ADCY10: variants seen among roughly 807,000 people sequenced by gnomAD.
ADCY10 encodes the protein adenylate cyclase 10.
A neutral mutation model predicts 183.3 loss-of-function variants in ADCY10; 156 were observed. That is an observed-to-expected ratio of 0.85 (90% CI 0.75 to 0.97). The LOEUF is 0.97. Ranked by LOEUF, ADCY10 falls within the 50% of genes least tolerant of loss-of-function variation. ADCY10 has a pLI of 0.00. For missense variants in ADCY10, 1,745 were observed against 1,934.3 expected (o/e 0.90, Z 1.84); for synonymous variants, 645 against 670.0 (o/e 0.96, Z 0.58).
rs1280739947 is a variant in ADCY10 at position 167,827,163 on chromosome 1, A to G, written c.3750+2104T>C. Reference sequence around the variant, plus strand: ...CTCCAGGAGGAAGAAACCCAGACTTAATGTACTTTTTTTTTTTTTCCTGAG... The same window carrying G: ...CTCCAGGAGGAAGAAACCCAGACTTGATGTACTTTTTTTTTTTTTCCTGAG... On this transcript the variant is annotated intron_variant, in intron 26 of 32. Coordinates refer to ENST00000367851, the MANE Select transcript of ADCY10 (RefSeq NM_018417.6). 2.6e-5 allele frequency among the ~76,000 whole-genome samples: 4 copies of G among 151,388 alleles called. No individual in the cohort carries two copies. In the East Asian group the frequency reaches 7.7e-4, roughly 29 times the overall value.
intron 14 of ADCY10, among the ~76,000 whole-genome samples, 196 bp downstream of exon 14, chr1:167,870,061 C>A (rs960073451): frequency 6.6e-6 from 1 of 152,180 alleles, no homozygotes; most frequent in Non-Finnish European, 1.5e-5. Context: ...TCAGGATATC[C>A]ATGGGTCAGC....
In ADCY10 at chr1:167,818,391, G is replaced by A. The variant is rs749823945; in HGVS notation, c.4287-124C>T. On this transcript the variant is annotated intron_variant, in intron 30 of 32. Transcript: ENST00000367851. ...GGTCTCTGGAAGTGTGTAGTCTCCT[G>A]CCTACCCCTGCTTCACACTCCCTAA... 5 of 848,686 alleles carry A rather than the reference G, an allele frequency of 5.9e-6. No individual in the cohort carries two copies. In the East Asian group the frequency reaches 1.2e-4, roughly 20 times the overall value. The allele number at this position is 848,686 out of a possible 1,614,324, so 52.6% of individuals were successfully genotyped here.
intron 1 of ADCY10, among the ~76,000 whole-genome samples, chr1:167,908,995 A>G (rs900821232): frequency 6.6e-6 from 1 of 152,238 alleles, no homozygotes; most frequent in Non-Finnish European, 1.5e-5. Context: ...AAATCCGTGT[A>G]ATACCCATTC....
chr1:167,909,399 G>A (rs1670012947), intron 1 of ADCY10, among the ~76,000 whole-genome samples: 3 of 152,150 alleles, frequency 2.0e-5, no homozygotes, highest in African/African-American at 7.2e-5. Flanking sequence ...ATATACACAG[G>A]AGTGGAATTG....
At chr1:167,866,519 A>T (rs1355310497) in intron 14 of ADCY10, among the ~76,000 whole-genome samples, 1 of 120,900 alleles carries the variant, frequency 8.3e-6, no homozygotes, top group Non-Finnish European at 1.6e-5. Context: ...GAAAGTGCAC[A>T]CTCTATGTGC....
rs1662100747 is a variant in ADCY10, at chr1:167,809,951, C to G, written c.4672-112G>C. 10 of 1,143,026 alleles carry G rather than the reference C, an allele frequency of 8.7e-6. No individual in the cohort carries two copies. The South Asian group carries it at 1.3e-4, about 15-fold the overall frequency. The allele number at this position is 1,143,026 out of a possible 1,614,324, so 70.8% of individuals were successfully genotyped here. On this transcript the variant is annotated intron_variant, in intron 32 of 32. Coordinates refer to ENST00000367851, the MANE Select transcript of ADCY10 (RefSeq NM_018417.6). ...CATCTTTGGTAAAAACCATGTGAAC[C>G]CATAGACAAAAACGAATCTTGCTGT...
chr1:167,866,624 C>T (rs1666715374), intron 14 of ADCY10, among the ~76,000 whole-genome samples: 1 of 151,194 alleles, frequency 6.6e-6, no homozygotes, highest in Non-Finnish European at 1.5e-5. Flanking sequence ...TAATTGAAAT[C>T]CCAAACTTAC....
chr1:167,890,721 G>A (rs1177786666), intron 8 of ADCY10, among the ~76,000 whole-genome samples: 2 of 152,142 alleles, frequency 1.3e-5, no homozygotes, highest in Non-Finnish European at 2.9e-5. Flanking sequence ...TATAGTTAGG[G>A]ATAAGAATAG....
At chr1:167,879,418 C>T (rs1031692044) in intron 11 of ADCY10, among the ~76,000 whole-genome samples, 9 of 152,092 alleles carry the variant, frequency 5.9e-5, no homozygotes, top group African/African-American at 2.2e-4. Context: ...GAACAAGGTA[C>T]TCTTTTTGAA....
In ADCY10 at chr1:167,810,879, C is replaced by T. The variant is rs1558137342; in HGVS notation, c.4517G>A (p.Gly1506Asp). 6.2e-7 allele frequency: 1 copy of T among 1,614,092 alleles called. No individual in the cohort carries two copies. The highest frequency in any genetic ancestry group is 1.3e-5 in the African/African-American group (1 of 75,018). Reference sequence around the variant, plus strand: ...GTAGAGCCTTGGGCAAAAGACAGGGCCAGTGGTATTTTGAGCCACCAGATT... The same window carrying T: ...GTAGAGCCTTGGGCAAAAGACAGGGTCAGTGGTATTTTGAGCCACCAGATT... The part of the protein sequence containing the change: ...LENLVAQNTT[G>D]PVFCPRLYHL... Residue 1506 changes from glycine to aspartate, a missense_variant, in exon 32 of 33, where the codon GGC becomes GAC. Physicochemically the swap from Gly to Asp is moderately conservative, Grantham distance 94. Transcript: ENST00000367851.
intron 9 of ADCY10, among the ~76,000 whole-genome samples, chr1:167,883,211 C>G (rs994922262): frequency 6.6e-6 from 1 of 152,138 alleles, no homozygotes; most frequent in African/African-American, 2.4e-5. Flanking sequence ...CTAATTTTTG[C>G]ATTTTTAGTA....
In ADCY10 at chr1:167,899,470, G is replaced by A. The variant is rs375709824; in HGVS notation, c.595C>T (p.Arg199Trp). 6.4e-5 allele frequency: 104 copies of A among 1,613,994 alleles called. No individual in the cohort carries two copies. The highest frequency in any genetic ancestry group is 9.3e-5 in the African/African-American group (7 of 74,896). The change falls in exon 6 of 33, where the codon CGG becomes TGG. Residue 199 changes from arginine to tryptophan, a missense_variant. Physicochemically the swap from Arg to Trp is moderately radical, Grantham distance 101 (BLOSUM62 -3). Transcript: ENST00000367851. ...LSPNCWQLCDRSMIEIESVPD... is the reference protein window; with the variant it reads ...LSPNCWQLCDWSMIEIESVPD... Reference sequence around the variant, plus strand: ...ACACTCTCAATTTCAATCATGCTCCGGTCACAGAGCTGCCAGCAGTTTGGT... The same window carrying A: ...ACACTCTCAATTTCAATCATGCTCCAGTCACAGAGCTGCCAGCAGTTTGGT...
At chr1:167,887,759 T>A (rs888138272) in intron 8 of ADCY10, among the ~76,000 whole-genome samples, 1 of 151,588 alleles carries the variant, frequency 6.6e-6, no homozygotes, top group African/African-American at 2.4e-5. Flanking sequence ...AACTAATTTT[T>A]TATCTGATAA....
At position 167,856,321 on chromosome 1, in the gene ADCY10, A is replaced by G. The variant is rs1665889896; in HGVS notation, c.2015T>C (p.Leu672Pro). 5.0e-6 allele frequency: 8 copies of G among 1,614,062 alleles called. No individual in the cohort carries two copies. The highest frequency in any genetic ancestry group is 6.8e-6 in the Non-Finnish European group (8 of 1,180,030). Residue 672 changes from leucine (L) to proline (P), a missense_variant, in exon 17 of 33, where the codon CTG becomes CCG. Leu to Pro is a moderately conservative substitution (Grantham distance 98). Coordinates refer to ENST00000367851, the MANE Select transcript of ADCY10 (RefSeq NM_018417.6). ...RTLPIFIIMS[L>P]CPFVNIPCAA... ...ACAGGGAATGTTAACGAAGGGACAC[A>G]GGGACATAATGATGAAGATAGGAAG...
Position 167,905,047 on chromosome 1 carries a change from C to G in ADCY10, c.94G>C (p.Glu32Gln), listed in dbSNP as rs2102448218. The G allele has an allele frequency of 5.6e-6, 9 of 1,614,196 alleles. No homozygotes were observed. The highest frequency in any genetic ancestry group is 6.8e-6 in the Non-Finnish European group (8 of 1,180,032). The change falls in exon 2 of 33, where the codon GAG (glutamate) becomes CAG (glutamine). Residue 32 changes from glutamate (E) to glutamine (Q), a missense_variant. Physicochemically the swap from Glu to Gln is conservative, Grantham distance 29. Transcript: ENST00000367851. ...TCAAAATAATCCATAAAGGGTCGCT[C>G]TGGGGAGAAATGTCCATAGACAATG... is the stretch of plus-strand genomic sequence containing the variant. ...DLIVYGHFSP[E>Q]RPFMDYFDGV...
intron 13 of ADCY10, among the ~76,000 whole-genome samples, chr1:167,873,157 T>C (rs1667224863): frequency 6.6e-6 from 1 of 152,142 alleles, no homozygotes; most frequent in African/African-American, 2.4e-5. Flanking sequence ...AAGGTTAGGA[T>C]TCTGTTGCTG....
Position 167,870,307 on chromosome 1 carries a change from T to G in ADCY10, c.1566A>C (p.Lys522Asn). The G allele has an allele frequency of 6.8e-6, 11 of 1,614,094 alleles. No individual in the cohort carries two copies. The highest frequency in any genetic ancestry group is 9.3e-6 in the Non-Finnish European group (11 of 1,180,010). The change falls in exon 14 of 33, where the codon AAA becomes AAC. Residue 522 changes from lysine to asparagine, a missense_variant. Transcript: ENST00000367851. ...LMYEGLPGYG[K>N]SQILMKIEYL... ...ACTCAATTTTCATAAGTATCTGGCT[T>G]TTTCCATATCCTGGTAATCCCTCAT...
At chr1:167,813,763 T>C (rs2101830279) in intron 31 of ADCY10, among the ~76,000 whole-genome samples, 1 of 152,318 alleles carries the variant, frequency 6.6e-6, no homozygotes, top group African/African-American at 2.4e-5. Flanking sequence ...AACTCCACAG[T>C]TTGTTTTCTA....
At chr1:167,861,827 T>C (rs74391290) in intron 14 of ADCY10, among the ~76,000 whole-genome samples, 1 of 152,124 alleles carries the variant, frequency 6.6e-6, no homozygotes, top group African/African-American at 2.4e-5. Context: ...TGGGAAGTGA[T>C]TGGATCATGA....
Sources: gnomAD v4.1 joint callset for allele counts (sites outside exome capture counted in the v4.1 genomes callset) on GRCh38, gnomAD v4.1.1 for gene constraint, MANE v1.5 for transcripts, NCBI Gene and HGNC (gene_info 2026-07-23, HGNC 2026-07-21) for gene names.